The following RAI1 variants were observed in gnomAD, a reference collection of about 807,000 sequenced individuals.
The protein encoded by RAI1 is retinoic acid induced 1.
A neutral mutation model predicts 123.8 loss-of-function variants in RAI1; 9 were observed. The observed-to-expected ratio is 0.07, with a 90% CI of 0.04 to 0.13. The LOEUF is 0.13. Among genes scored for constraint, RAI1 ranks in the 10% least tolerant of loss-of-function variants. The pLI is 1.00. For missense variants in RAI1, 2,256 were observed against 2,545.8 expected, an observed-to-expected ratio of 0.89 and a Z score of 2.45; for synonymous variants, 1,231 against 1,127.3, an observed-to-expected ratio of 1.09 and a Z score of -1.84.
At chr17:17,766,408 G>C (rs1479717465) in intron 2 of RAI1, 1 of 152,222 alleles carries the variant, frequency 6.6e-6, no homozygotes, top group East Asian at 1.9e-4. Context: ...GCTTTGATGC[G>C]AGCCACCACC....
rs368695089 is a variant in RAI1, at chr17:17,784,239, G to A, written c.-16-8694G>A. On this transcript the variant is annotated intron_variant, in intron 2 of 5. Coordinates refer to ENST00000353383, the MANE Select transcript of RAI1 (RefSeq NM_030665.4). ...CCCCAGGTGGAACGGGGACTGGGAG[G>A]GGCTGGCCTGCTGTGCCTCCCCGGC... Among the ~76,000 whole-genome samples, 501 of 152,242 alleles carry A rather than the reference G, an allele frequency of 3.3e-3. 4 individuals are homozygous for A. The highest frequency in any genetic ancestry group is 0.011 in the African/African-American group (476 of 41,510).
intron 2 of RAI1, 32 bp from the exon 3 acceptor site, chr17:17,792,901 C>T: frequency 1.0e-5 from 7 of 667,822 alleles, no homozygotes; most frequent in Non-Finnish European, 1.8e-5. Context: ...CCCTCCTTCC[C>T]TCCCTCCCTC....
intron 2 of RAI1, among the ~76,000 whole-genome samples, chr17:17,784,451 CG>C (rs2031747518): frequency 2.0e-5 from 3 of 152,238 alleles, no homozygotes. Context: ...GAGCTGTAGA[CG>C]GATCTCAGCC....
chr17:17,683,369 C>T (rs936310065), intron 1 of RAI1, among the ~76,000 whole-genome samples: 2 of 152,172 alleles, frequency 1.3e-5, no homozygotes, highest in Non-Finnish European at 2.9e-5. Context: ...ACAGTCCTCG[C>T]TCTGCTCAGG....
At chr17:17,772,095 G>A (rs1173544271) in intron 2 of RAI1, among the ~76,000 whole-genome samples, 1 of 152,208 alleles carries the variant, frequency 6.6e-6, no homozygotes, top group Non-Finnish European at 1.5e-5. Context: ...ACCAGGAAAT[G>A]TAAGCCAGAC....
chr17:17,734,763 C>T (rs1379205669), intron 2 of RAI1, among the ~76,000 whole-genome samples: 1 of 152,172 alleles, frequency 6.6e-6, no homozygotes, highest in East Asian at 1.9e-4. Flanking sequence ...GCTCCTTGGA[C>T]ACACACAGGG....
At position 17,796,524 on chromosome 17, in the gene RAI1, C is replaced by T. The variant is rs1214873899; in HGVS notation, c.3576C>T (p.Ser1192=). The change falls in exon 3 of 6, where the codon AGC becomes AGT. Residue 1192 remains serine, a synonymous_variant. Transcript: ENST00000353383. This position sits in a 1 kb window ranked among gnomAD's most constrained non-coding sequence, Gnocchi z 5.8. ...CCGCCACATTCAAGGTCTCCAGCAG[C>T]CCCCAGAAGGAGGGCAGGGTGAGCC... ...HLPATFKVSS[S]PQKEGRVSQR... 2 of 1,610,974 alleles carry T rather than the reference C, an allele frequency of 1.2e-6. No homozygotes were observed. Among genetic ancestry groups the T allele is most frequent in the Admixed American group, 3.3e-5 (2 of 60,026 alleles).
intron 1 of RAI1, among the ~76,000 whole-genome samples, chr17:17,682,163 G>A (rs1244045920): frequency 6.6e-6 from 1 of 151,296 alleles, no homozygotes; most frequent in Non-Finnish European, 1.5e-5. Flanking sequence ...TGGGGACGTG[G>A]GGTGCATTCG....
chr17:17,750,945 TTCA>T (rs1177078004), intron 2 of RAI1, among the ~76,000 whole-genome samples: 4 of 152,192 alleles, frequency 2.6e-5, no homozygotes, highest in Admixed American at 2.6e-4. Context: ...GGCTCAGCAC[TTCA>T]TCATTTCAGC....
At chr17:17,703,717 T>C (rs1567833680) in intron 1 of RAI1, among the ~76,000 whole-genome samples, 1 of 152,208 alleles carries the variant, frequency 6.6e-6, no homozygotes, top group Non-Finnish European at 1.5e-5. Flanking sequence ...CATAAATCAC[T>C]GTAGCCTCGA....
At chr17:17,702,635 G>C (rs1915260275) in intron 1 of RAI1, among the ~76,000 whole-genome samples, 1 of 152,222 alleles carries the variant, frequency 6.6e-6, no homozygotes, top group Non-Finnish European at 1.5e-5. Context: ...AAACCTAGAG[G>C]GAGGTCCCTA....
At chr17:17,726,816 C>G (rs1391596099) in intron 2 of RAI1, among the ~76,000 whole-genome samples, 2 of 152,008 alleles carry the variant, frequency 1.3e-5, no homozygotes, top group African/African-American at 4.8e-5. Flanking sequence ...CAGTCCTTTT[C>G]GACTCGGTGG....
At chr17:17,738,606 C>T (rs188338662) in intron 2 of RAI1, among the ~76,000 whole-genome samples, 84 of 152,318 alleles carry the variant, frequency 5.5e-4, no homozygotes, top group Admixed American at 1.3e-3. Flanking sequence ...GCCTGGGGTC[C>T]ACCCCTCCGT....
At chr17:17,725,118 C>T (rs1330781938) in intron 2 of RAI1, among the ~76,000 whole-genome samples, 1 of 64,506 alleles carries the variant, frequency 1.6e-5, no homozygotes, top group South Asian at 4.7e-4. Context: ...GGGATGGCGC[C>T]GGGGCAGGGA....
chr17:17,724,313 C>T (rs1915998473), intron 2 of RAI1, among the ~76,000 whole-genome samples, 154 bp downstream of exon 2: 2 of 151,304 alleles, frequency 1.3e-5, no homozygotes, highest in Non-Finnish European at 2.9e-5. Flanking sequence ...CCCGCGGCGC[C>T]AGGATCTTGG....
chr17:17,775,956 C>G (rs1050106402), intron 2 of RAI1, among the ~76,000 whole-genome samples: 4 of 152,258 alleles, frequency 2.6e-5, no homozygotes, highest in African/African-American at 9.6e-5. Flanking sequence ...GGTCCCCACA[C>G]AGCTTAGCGC....
chr17:17,755,846 G>C (rs1245715404), intron 2 of RAI1, among the ~76,000 whole-genome samples: 1 of 152,190 alleles, frequency 6.6e-6, no homozygotes, highest in East Asian at 1.9e-4. Context: ...CCCAAGGCCT[G>C]CCGTGCCTCA....
At chr17:17,701,649 C>T (rs1010811266) in intron 1 of RAI1, among the ~76,000 whole-genome samples, 2 of 152,112 alleles carry the variant, frequency 1.3e-5, no homozygotes, top group Non-Finnish European at 2.9e-5. Flanking sequence ...GGCTGGAGTG[C>T]AGTGGTGCGA....
At chr17:17,791,487 C>G (rs1292453580) in intron 2 of RAI1, among the ~76,000 whole-genome samples, 1 of 152,062 alleles carries the variant, frequency 6.6e-6, no homozygotes, top group Non-Finnish European at 1.5e-5. Context: ...CTCTCTTTGT[C>G]CCTTCCTGAC....
Sources: gnomAD v4.1 joint callset for allele counts (sites outside exome capture counted in the v4.1 genomes callset) on GRCh38, gnomAD v4.1.1 for gene constraint, Gnocchi (gnomAD v3.1) non-coding constraint, MANE v1.5 for transcripts, NCBI Gene and HGNC (gene_info 2026-07-23, HGNC 2026-07-21) for gene names.